The following KCTD16 variants were observed in gnomAD, a reference collection of about 807,000 sequenced individuals.
The protein encoded by KCTD16 is potassium channel tetramerization domain containing 16.
In KCTD16, 13 loss-of-function variants were observed where a neutral mutation model predicts 33.2. The observed-to-expected ratio is 0.39, with a 90% CI of 0.25 to 0.62. The LOEUF (loss-of-function observed/expected upper bound fraction) is 0.62, where lower values mean the gene tolerates loss of function less well. KCTD16 is among the 20% of genes least tolerant of loss of function. The pLI is 0.50. For synonymous variants in KCTD16, 197 were observed against 195.3 expected, an observed-to-expected ratio of 1.01 and a Z score of -0.07; for missense variants, 441 against 525.1, an observed-to-expected ratio of 0.84 and a Z score of 1.57.
chr5:144,268,334 TC>T (rs980279040), intron 3 of KCTD16, among the ~76,000 whole-genome samples: 1 of 152,142 alleles, frequency 6.6e-6, no homozygotes, highest in Non-Finnish European at 1.5e-5. Context: ...TGACAGCCCT[TC>T]CCCCTCCATC....
chr5:144,221,687 T>G (rs1335836944), intron 3 of KCTD16, among the ~76,000 whole-genome samples: 3 of 152,214 alleles, frequency 2.0e-5, no homozygotes, highest in Non-Finnish European at 4.4e-5. Flanking sequence ...TTGGGTTGGT[T>G]TGAAGTCTTT....
intron 3 of KCTD16, among the ~76,000 whole-genome samples, chr5:144,315,019 C>T (rs1336329124): frequency 1.3e-5 from 2 of 152,196 alleles, no homozygotes; most frequent in Admixed American, 1.3e-4. Context: ...GGCTAAGAGA[C>T]AGGATCCAAC....
chr5:144,484,546 G>A lies in KCTD16; in HGVS notation c.*10432G>A, dbSNP rs142570283. ...CAGCACCACCCCTTACACTTTTAAA[G>A]TTAAAGACCCTGTTGATCAGGTTAC... On this transcript the variant is annotated 3_prime_UTR_variant, in exon 4 of 4. Coordinates refer to ENST00000512467, the MANE Select transcript of KCTD16 (RefSeq NM_020768.4). 184 of 152,014 alleles carry A rather than the reference G, an allele frequency of 1.2e-3. 2 individuals carry two copies. The highest frequency in any genetic ancestry group is 4.2e-3 in the African/African-American group (175 of 41,514). 9.4% of individuals were successfully genotyped at this position (152,014 alleles called of 1,614,324 possible). A position where few individuals can be genotyped will look rare whatever the true frequency, so the allele number is the denominator to read the frequency against.
At chr5:144,459,356 T>C (rs1263376037) in intron 3 of KCTD16, among the ~76,000 whole-genome samples, 12 of 152,000 alleles carry the variant, frequency 7.9e-5, no homozygotes, top group Admixed American at 7.9e-4. Flanking sequence ...ACTGGAAGTT[T>C]CTTTTCTTTT....
At chr5:144,251,703 C>A (rs1056190808) in intron 3 of KCTD16, among the ~76,000 whole-genome samples, 2 of 152,102 alleles carry the variant, frequency 1.3e-5, no homozygotes, top group Non-Finnish European at 2.9e-5. Context: ...GTAAGAATTT[C>A]TATGCAAAGT....
intron 3 of KCTD16, among the ~76,000 whole-genome samples, chr5:144,394,313 T>A (rs1191272299): frequency 6.6e-6 from 1 of 152,174 alleles, no homozygotes; most frequent in South Asian, 2.1e-4. Flanking sequence ...ATGAAATGCT[T>A]GATATTGATG....
chr5:144,435,606 T>C (rs1035823262), intron 3 of KCTD16, among the ~76,000 whole-genome samples: 6 of 152,220 alleles, frequency 3.9e-5, no homozygotes, highest in African/African-American at 1.2e-4. Context: ...CTATTCTATA[T>C]TACCGGAAAT....
intron 3 of KCTD16, among the ~76,000 whole-genome samples, chr5:144,274,212 CT>C (rs1400524348): frequency 6.6e-6 from 1 of 151,742 alleles, no homozygotes; most frequent in African/African-American, 2.4e-5. Context: ...GTTTCCCCCT[CT>C]TTTTCTCTGT....
At chr5:144,191,739 G>A (rs1018945947) in intron 2 of KCTD16, among the ~76,000 whole-genome samples, 2 of 151,898 alleles carry the variant, frequency 1.3e-5, no homozygotes, top group East Asian at 1.9e-4. Context: ...CTCAACAGCC[G>A]AGACAGTTCC....
At chr5:144,189,843 A>G (rs1350744437) in intron 2 of KCTD16, among the ~76,000 whole-genome samples, 1 of 152,102 alleles carries the variant, frequency 6.6e-6, no homozygotes, top group Admixed American at 6.5e-5. Flanking sequence ...GTAGACTGCT[A>G]TATTGTTATT....
At chr5:144,351,285 C>A (rs952556655) in intron 3 of KCTD16, among the ~76,000 whole-genome samples, 1 of 152,064 alleles carries the variant, frequency 6.6e-6, no homozygotes, top group African/African-American at 2.4e-5. Context: ...AAGGAGCCAG[C>A]CACTGTTTTA....
At chr5:144,416,231 A>G (rs987237547) in intron 3 of KCTD16, among the ~76,000 whole-genome samples, 7 of 152,168 alleles carry the variant, frequency 4.6e-5, no homozygotes, top group Non-Finnish European at 8.8e-5. Flanking sequence ...CATCTCCAAA[A>G]TATTTAGTTT....
At chr5:144,309,292 C>A (rs564412361) in intron 3 of KCTD16, among the ~76,000 whole-genome samples, 2 of 152,126 alleles carry the variant, frequency 1.3e-5, no homozygotes, top group Admixed American at 6.6e-5. Flanking sequence ...TGTCCTACGA[C>A]TCCAGGAGGA....
At chr5:144,401,684 C>A (rs966506703) in intron 3 of KCTD16, among the ~76,000 whole-genome samples, 1 of 152,162 alleles carries the variant, frequency 6.6e-6, no homozygotes, top group African/African-American at 2.4e-5. Context: ...ACCATCTATC[C>A]CATCTATTCA....
At chr5:144,411,723 A>G (rs960665604) in intron 3 of KCTD16, among the ~76,000 whole-genome samples, 25 of 152,228 alleles carry the variant, frequency 1.6e-4, no homozygotes, top group African/African-American at 5.8e-4. Context: ...ACAGCAAAGG[A>G]AACAATCAAA....
At chr5:144,410,182 T>TG (rs1238090779) in intron 3 of KCTD16, among the ~76,000 whole-genome samples, 1 of 152,220 alleles carries the variant, frequency 6.6e-6, no homozygotes, top group Non-Finnish European at 1.5e-5. Context: ...GCATGGGCTC[T>TG]GGCAAAGAAA....
chr5:144,318,039 C>T (rs1240600957), intron 3 of KCTD16, among the ~76,000 whole-genome samples: 2 of 152,230 alleles, frequency 1.3e-5, no homozygotes, highest in Non-Finnish European at 2.9e-5. Context: ...TCCCACCATA[C>T]TAGCCTGGAA....
At chr5:144,303,045 G>C (rs1245800076) in intron 3 of KCTD16, among the ~76,000 whole-genome samples, 1 of 152,160 alleles carries the variant, frequency 6.6e-6, no homozygotes, top group East Asian at 1.9e-4. Flanking sequence ...CCTCTCTTCT[G>C]TTTTGTTGAG....
At chr5:144,314,063 A>T (rs1011944062) in intron 3 of KCTD16, among the ~76,000 whole-genome samples, 1 of 152,170 alleles carries the variant, frequency 6.6e-6, no homozygotes, top group East Asian at 1.9e-4. Flanking sequence ...GAGGCACTAT[A>T]TAGCTAAACC....
Sources: allele counts gnomAD v4.1 joint callset (sites outside exome capture counted in the v4.1 genomes callset), GRCh38; gene constraint gnomAD v4.1.1; transcripts MANE v1.5; gene names NCBI Gene and HGNC (gene_info 2026-07-23, HGNC 2026-07-21).